Variants in SLC39A11 observed in about 807,000 individuals in gnomAD.
The protein encoded by SLC39A11 is zinc transporter ZIP11.
Under a neutral mutation model 36.1 loss-of-function variants are expected in SLC39A11, and 33 were observed. That is an observed-to-expected ratio of 0.91 (90% confidence interval 0.69 to 1.22). The LOEUF is 1.22. SLC39A11 is among the 50% of genes most tolerant of loss of function. The pLI, the probability that SLC39A11 is intolerant of heterozygous loss-of-function variation, is 0.00. For synonymous variants in SLC39A11, 166 were observed against 170.3 expected (o/e 0.97, Z 0.20); for missense variants, 432 against 430.3 (o/e 1.00, Z -0.03).
Position 72,822,464 on chromosome 17 carries a change from C to T in SLC39A11, c.601+27170G>A, listed in dbSNP as rs546758831. ...AAGACTCCATTTGTACTTTTGCTCC[C>T]AGCTCTGCAAATATTAGGGGCGGGT... On this transcript the variant is annotated intron_variant, in intron 6 of 9. Coordinates refer to ENST00000255559, the MANE Select transcript of SLC39A11 (RefSeq NM_139177.4). Among the ~76,000 whole-genome samples, 94 of 150,982 alleles carry T rather than the reference C, an allele frequency of 6.2e-4. 5 individuals are homozygous for T. The South Asian group carries it at 0.014, about 22-fold the overall frequency.
intron 5 of SLC39A11, among the ~76,000 whole-genome samples, chr17:72,942,709 A>T (rs1185105626): frequency 2.0e-5 from 3 of 152,214 alleles, no homozygotes; most frequent in Non-Finnish European, 4.4e-5. Flanking sequence ...AGGCTATTCC[A>T]AGCAGTTTTA....
At chr17:72,902,207 G>T (rs928577646) in intron 5 of SLC39A11, among the ~76,000 whole-genome samples, 1 of 151,962 alleles carries the variant, frequency 6.6e-6, no homozygotes, top group African/African-American at 2.4e-5. Context: ...GGAGGTGGAG[G>T]TTGTGGTGAT....
At chr17:73,033,478 G>A (rs1244231424) in intron 3 of SLC39A11, among the ~76,000 whole-genome samples, 3 of 152,230 alleles carry the variant, frequency 2.0e-5, no homozygotes, top group Non-Finnish European at 2.9e-5. Context: ...TGCTGGAGAT[G>A]AGCTGGCGCA....
At chr17:73,040,512 G>A (rs1419253800) in intron 3 of SLC39A11, among the ~76,000 whole-genome samples, 1 of 152,178 alleles carries the variant, frequency 6.6e-6, no homozygotes, top group Non-Finnish European at 1.5e-5. Context: ...GGAGTTTAGG[G>A]AATAGTAACA....
chr17:72,861,740 T>TTTTA (rs1315718643), intron 5 of SLC39A11, among the ~76,000 whole-genome samples: 5 of 67,346 alleles, frequency 7.4e-5, no homozygotes, highest in African/African-American at 1.0e-4. Flanking sequence ...ACATTGGAGA[T>TTTTA]TATATATATA....
intron 6 of SLC39A11, among the ~76,000 whole-genome samples, chr17:72,754,200 A>C (rs771351409): frequency 2.6e-4 from 40 of 152,148 alleles, no homozygotes; most frequent in South Asian, 2.1e-3. Flanking sequence ...CAGGAATGGA[A>C]AACCAAACAT....
At chr17:72,802,601 A>AAAAG (rs1555677036) in intron 6 of SLC39A11, among the ~76,000 whole-genome samples, 11 of 150,878 alleles carry the variant, frequency 7.3e-5, no homozygotes, top group Non-Finnish European at 1.3e-4. Context: ...AAAAAAAAAA[A>AAAAG]AAAAGAAAAG....
intron 4 of SLC39A11, among the ~76,000 whole-genome samples, chr17:73,024,588 C>A (rs1444057782): frequency 2.0e-5 from 3 of 152,200 alleles, no homozygotes; most frequent in Non-Finnish European, 2.9e-5. Context: ...TGCAAACACA[C>A]CTCTGGGAGG....
At chr17:72,935,676 C>T (rs1029494642) in intron 5 of SLC39A11, among the ~76,000 whole-genome samples, 1 of 152,108 alleles carries the variant, frequency 6.6e-6, no homozygotes, top group African/African-American at 2.4e-5. Context: ...TCCCGGGTCC[C>T]GGTTCAAGCA....
At chr17:72,953,514 C>T (rs1396118827) in intron 4 of SLC39A11, among the ~76,000 whole-genome samples, 3 of 152,168 alleles carry the variant, frequency 2.0e-5, no homozygotes, top group Admixed American at 6.5e-5. Flanking sequence ...GGCCTGCTGT[C>T]CCAGGCAGGA....
intron 6 of SLC39A11, among the ~76,000 whole-genome samples, chr17:72,773,331 T>C (rs2076014305): frequency 6.6e-6 from 1 of 152,150 alleles, no homozygotes; most frequent in Admixed American, 6.5e-5. Context: ...ATAATTCCCA[T>C]GTGTTGTGGG....
At chr17:73,078,689 G>A (rs1261245741) in intron 3 of SLC39A11, among the ~76,000 whole-genome samples, 1 of 151,882 alleles carries the variant, frequency 6.6e-6, no homozygotes, top group East Asian at 1.9e-4. Context: ...TAGAGACGGG[G>A]TTTCGCCATG....
In SLC39A11 at chr17:72,686,188, G is replaced by A. The variant is rs549866492; in HGVS notation, c.672-36920C>T. ...TGACACTCAACATCTGTTCTTTGTT[G>A]TTCTGCAAACAGTATCTCTATCTGC... On this transcript the variant is annotated intron_variant, in intron 7 of 9. Transcript: ENST00000255559. Among the ~76,000 whole-genome samples the A allele has an allele frequency of 3.3e-5, 5 of 152,260 alleles. No homozygotes were observed. In the East Asian group the frequency reaches 9.7e-4, roughly 29 times the overall value.
At chr17:72,980,121 T>C (rs1382139731) in intron 4 of SLC39A11, among the ~76,000 whole-genome samples, 5 of 152,204 alleles carry the variant, frequency 3.3e-5, no homozygotes, top group African/African-American at 1.2e-4. Flanking sequence ...TTTATGAAGA[T>C]ATTACTGTAC....
intron 6 of SLC39A11, among the ~76,000 whole-genome samples, chr17:72,805,745 TC>T (rs2077229069): frequency 6.6e-6 from 1 of 151,182 alleles, no homozygotes; most frequent in South Asian, 2.1e-4. Flanking sequence ...TTTTTCTTTT[TC>T]TTTTTCTTTT....
intron 3 of SLC39A11, among the ~76,000 whole-genome samples, chr17:73,041,122 T>G (rs184704988): frequency 6.6e-6 from 1 of 152,186 alleles, no homozygotes; most frequent in Non-Finnish European, 1.5e-5. Context: ...AAATTCCTAG[T>G]CCACTTTGGA....
chr17:73,054,572 C>T (rs1219141706), intron 3 of SLC39A11, among the ~76,000 whole-genome samples: 2 of 151,952 alleles, frequency 1.3e-5, no homozygotes, highest in Admixed American at 6.6e-5. Context: ...CAGTGGGAGG[C>T]CCAGGCAGGT....
At chr17:72,842,099 T>TGTGTGC (rs1218621892) in intron 6 of SLC39A11, among the ~76,000 whole-genome samples, 7 of 151,576 alleles carry the variant, frequency 4.6e-5, no homozygotes, top group Non-Finnish European at 1.0e-4. Flanking sequence ...TGTGTGTGTG[T>TGTGTGC]GTGCACGCAC....
At chr17:72,861,802 G>A (rs1225327540) in intron 5 of SLC39A11, among the ~76,000 whole-genome samples, 1 of 122,672 alleles carries the variant, frequency 8.2e-6, no homozygotes, top group Non-Finnish European at 1.7e-5. Context: ...ATTTCATTAA[G>A]CCATTATATT....
Sources: allele counts gnomAD v4.1 joint callset (sites outside exome capture counted in the v4.1 genomes callset), GRCh38; gene constraint gnomAD v4.1.1; transcripts MANE v1.5; gene names NCBI Gene and HGNC (gene_info 2026-07-23, HGNC 2026-07-21).